The following CPED1 variants were observed in gnomAD, a reference collection of about 807,000 sequenced individuals.
CPED1 encodes the protein cadherin like and PC-esterase domain containing 1.
A neutral mutation model predicts 128.2 loss-of-function variants in CPED1; 114 were observed. That is an observed-to-expected ratio of 0.89 (90% CI 0.76 to 1.04). The LOEUF is 1.04. CPED1 is among the 50% of genes least tolerant of loss of function. The pLI is 0.00. For missense variants in CPED1, 1,211 were observed against 1,207.1 expected, an observed-to-expected ratio of 1.00 and a Z score of -0.05; for synonymous variants, 462 against 426.7, an observed-to-expected ratio of 1.08 and a Z score of -1.02.
chr7:121,040,006 A>C (rs1563001897), intron 3 of CPED1, among the ~76,000 whole-genome samples: 1 of 152,056 alleles, frequency 6.6e-6, no homozygotes, highest in Non-Finnish European at 1.5e-5. Flanking sequence ...GGGCAGAAAG[A>C]GGGTAGACAT....
At chr7:121,236,981 ATT>A (rs1323952717) in intron 17 of CPED1, 150 bp downstream of exon 17, 1 of 435,094 alleles carries the variant, frequency 2.3e-6, no homozygotes, top group African/African-American at 2.0e-5. Context: ...ATGTAAGTGC[ATT>A]GTTTTAATAT....
intron 4 of CPED1, among the ~76,000 whole-genome samples, chr7:121,048,730 G>T (rs1243228744): frequency 1.3e-5 from 2 of 152,024 alleles, no homozygotes; most frequent in Non-Finnish European, 2.9e-5. Flanking sequence ...GTAGAGACGG[G>T]GTTTTGCTGT....
chr7:121,221,959 A>G (rs193008760), intron 16 of CPED1, among the ~76,000 whole-genome samples: 1 of 152,260 alleles, frequency 6.6e-6, no homozygotes, highest in African/African-American at 2.4e-5. Flanking sequence ...CTTTAGTTTA[A>G]TTAGATCCCA....
intron 2 of CPED1, among the ~76,000 whole-genome samples, chr7:121,000,847 A>G (rs1007222613): frequency 2.0e-5 from 3 of 152,168 alleles, no homozygotes; most frequent in African/African-American, 7.2e-5. Flanking sequence ...GGTAAATTTT[A>G]TCTACATTTT....
chr7:121,103,030 C>T (rs752746228), intron 7 of CPED1, among the ~76,000 whole-genome samples: 1 of 152,070 alleles, frequency 6.6e-6, no homozygotes, highest in Admixed American at 6.6e-5. Flanking sequence ...AAGTGCCGCT[C>T]CCCCTACCCT....
chr7:121,241,850 G>A (rs1563076246), intron 17 of CPED1, among the ~76,000 whole-genome samples: 1 of 152,086 alleles, frequency 6.6e-6, no homozygotes, highest in African/African-American at 2.4e-5. Flanking sequence ...TTTTCCTTGT[G>A]GAGAAGTAAA....
rs201842531 is a variant in CPED1 at position 121,047,646 on chromosome 7, TTTCTTCTTCTTCTTCTTCTTCTTCTTC to T, written c.540+698_540+724del. 5.5e-3 allele frequency among the ~76,000 whole-genome samples: 679 copies of T among 123,068 alleles called. 17 individuals are homozygous for T. The highest frequency in any genetic ancestry group is 6.4e-3 in the Non-Finnish European group (403 of 62,742). The allele number at this position is 123,068 out of a possible 152,430, so 80.7% of individuals were successfully genotyped here. The stretch of plus-strand genomic sequence containing the variant: ...TACAATTCGCCATCTAGATAGCACC[TTTCTTCTTCTTCTTCTTCTTCTTCTTC>T]TTCTTCTTCTTCTTCTTCTTCTTCT... On this transcript the variant is annotated intron_variant, in intron 4 of 22. Transcript: ENST00000310396.
At chr7:121,040,276 TTAAAATAG>T (rs1282480099) in intron 3 of CPED1, among the ~76,000 whole-genome samples, 1 of 152,090 alleles carries the variant, frequency 6.6e-6, no homozygotes, top group African/African-American at 2.4e-5. Context: ...ATTCTGAAAA[TTAAAATAG>T]TCAACCCAGT....
chr7:121,113,654 GGGGA>G (rs530324268), intron 7 of CPED1, among the ~76,000 whole-genome samples: 91 of 152,140 alleles, frequency 6.0e-4, no homozygotes, highest in African/African-American at 2.1e-3. Flanking sequence ...TGAGAGGGAT[GGGGA>G]AGGAAGGAAG....
intron 3 of CPED1, among the ~76,000 whole-genome samples, chr7:121,020,599 A>G (rs1015061566): frequency 1.3e-5 from 2 of 151,912 alleles, no homozygotes; most frequent in African/African-American, 4.8e-5. Flanking sequence ...CTTACACCAA[A>G]TCTTATTCAA....
intron 4 of CPED1, among the ~76,000 whole-genome samples, chr7:121,060,666 CA>C (rs1268659748): frequency 1.3e-5 from 2 of 152,146 alleles, no homozygotes; most frequent in Non-Finnish European, 2.9e-5. Flanking sequence ...GTAAACGCAC[CA>C]ATCAGTGCCC....
intron 3 of CPED1, among the ~76,000 whole-genome samples, chr7:121,033,312 T>C (rs1266601411): frequency 1.3e-5 from 2 of 152,218 alleles, no homozygotes; most frequent in Non-Finnish European, 2.9e-5. Context: ...CATGACACTA[T>C]GTTATGTCAC....
At chr7:121,275,489 T>C (rs1792312640) in intron 22 of CPED1, among the ~76,000 whole-genome samples, 1 of 152,166 alleles carries the variant, frequency 6.6e-6, no homozygotes. Flanking sequence ...GTGAACAAGC[T>C]AAAACCTGGA....
At chr7:121,132,444 TTCA>T (rs1375149568) in intron 12 of CPED1, among the ~76,000 whole-genome samples, 1 of 152,052 alleles carries the variant, frequency 6.6e-6, no homozygotes, top group Admixed American at 6.6e-5. Flanking sequence ...GTTCAATGAC[TTCA>T]TCTTTCCTTT....
chr7:121,016,009 T>C (rs973609767), intron 3 of CPED1, among the ~76,000 whole-genome samples, 161 bp downstream of exon 3: 52 of 152,244 alleles, frequency 3.4e-4, no homozygotes, highest in African/African-American at 1.2e-3. Flanking sequence ...TTTTTTAACT[T>C]CCCCTCTATT....
intron 2 of CPED1, among the ~76,000 whole-genome samples, chr7:121,010,479 C>T (rs1792129625): frequency 6.6e-6 from 1 of 152,144 alleles, no homozygotes; most frequent in African/African-American, 2.4e-5. Flanking sequence ...GAACTCCTGA[C>T]CTCAAGTGAT....
intron 3 of CPED1, among the ~76,000 whole-genome samples, chr7:121,021,795 G>A (rs752345419): frequency 2.6e-5 from 4 of 151,986 alleles, no homozygotes; most frequent in African/African-American, 4.8e-5. Context: ...CCCCATAAAC[G>A]GGAGATAATA....
chr7:120,997,392 G>A (rs75601245), intron 2 of CPED1, among the ~76,000 whole-genome samples: 3,598 of 152,240 alleles, frequency 0.024, 155 homozygotes, highest in African/African-American at 0.082. Context: ...GTGTGGACAG[G>A]ACTGGACTGA....
intron 4 of CPED1, among the ~76,000 whole-genome samples, chr7:121,059,276 T>C (rs753661755): frequency 6.6e-6 from 1 of 152,176 alleles, no homozygotes; most frequent in African/African-American, 2.4e-5. Context: ...TTTTAAAGCA[T>C]CCCAGGGAAT....
Sources: gnomAD v4.1 joint callset for allele counts (sites outside exome capture counted in the v4.1 genomes callset) on GRCh38, gnomAD v4.1.1 for gene constraint, MANE v1.5 for transcripts, NCBI Gene and HGNC (gene_info 2026-07-23, HGNC 2026-07-21) for gene names.